The following CD81 variants were observed in gnomAD, a reference collection of about 807,000 sequenced individuals.
CD81 encodes CD81 antigen.
Under a neutral mutation model 30.1 loss-of-function variants are expected in CD81, and 10 were observed. That is an observed-to-expected ratio of 0.33 (90% CI 0.21 to 0.56). CD81 has a LOEUF of 0.56. Ranked by LOEUF, CD81 falls within the 20% of genes least tolerant of loss-of-function variation. CD81 has a pLI of 0.89. For missense variants in CD81, 263 were observed against 308.7 expected, an observed-to-expected ratio of 0.85 and a Z score of 1.11; for synonymous variants, 147 against 126.4, an observed-to-expected ratio of 1.16 and a Z score of -1.10.
chr11:2,395,537 C>G lies in CD81; in HGVS notation c.459+17C>G, dbSNP rs766019698. 4.4e-6 allele frequency: 7 copies of G among 1,600,864 alleles called. No individual in the cohort carries two copies. Among genetic ancestry groups the G allele is most frequent in the Non-Finnish European group, 5.1e-6 (6 of 1,169,352 alleles). On this transcript the variant is annotated intron_variant, in intron 5 of 7. Transcript: ENST00000263645. ...CACGAGACGGTGCGGCCCCGGGGGGCGAGGGCGGGGAGCAGGGCCCCGGGA... is the reference window on the plus strand; with the variant it reads ...CACGAGACGGTGCGGCCCCGGGGGGGGAGGGCGGGGAGCAGGGCCCCGGGA...
At chr11:2,393,994 C>G in intron 2 of CD81, 101 bp from the exon 3 acceptor site, 1 of 864,126 alleles carries the variant, frequency 1.2e-6, no homozygotes. Context: ...CTACATCTTC[C>G]CAGCTGGGCG....
At chr11:2,379,366 AGG>A (rs1491382829) in intron 1 of CD81, among the ~76,000 whole-genome samples, 1 of 71,982 alleles carries the variant, frequency 1.4e-5, no homozygotes, top group African/African-American at 5.6e-5. Flanking sequence ...GGGCTGAGGG[AGG>A]GTGTAGGCCT....
Position 2,377,413 on chromosome 11 carries a change from C to A in CD81, c.-137C>A. 1 of 164,954 alleles carries A rather than the reference C, an allele frequency of 6.1e-6. No homozygotes were observed. The highest frequency in any genetic ancestry group is 1.7e-4 in the South Asian group (1 of 5,834). The allele number at this position is 164,954 out of a possible 1,614,324, so 10.2% of individuals were successfully genotyped here. A position where few individuals can be genotyped will look rare whatever the true frequency, so the allele number is the denominator to read the frequency against. ...CCCACGCGCCCCCGCGCCCCCGCGCCCCCGCGCCCCTTTCTTCGCGCCCCC... is the reference window on the plus strand; with the variant it reads ...CCCACGCGCCCCCGCGCCCCCGCGCACCCGCGCCCCTTTCTTCGCGCCCCC... On this transcript the variant is annotated 5_prime_UTR_variant, in exon 1 of 8. Transcript: ENST00000263645. This position sits in a 1 kb window ranked among gnomAD's most constrained non-coding sequence, Gnocchi z 7.7.
Position 2,396,950 on chromosome 11 carries a change from T to G in CD81, c.*84T>G, listed in dbSNP as rs1370125582. ...TCCGAGGGGGCCATCACCGCCTGTG[T>G]ATATAACGTTTCCGGTATTACTCTG... On this transcript the variant is annotated 3_prime_UTR_variant, in exon 8 of 8. Transcript: ENST00000263645. 4 of 1,274,734 alleles carry G rather than the reference T, an allele frequency of 3.1e-6. No homozygotes were observed. The highest frequency in any genetic ancestry group is 4.5e-6 in the Non-Finnish European group (4 of 884,416). The allele number at this position is 1,274,734 out of a possible 1,614,324, so 79.0% of individuals were successfully genotyped here. A position where few individuals can be genotyped will look rare whatever the true frequency, so the allele number is the denominator to read the frequency against.
intron 1 of CD81, among the ~76,000 whole-genome samples, chr11:2,388,799 G>T (rs1378676147): frequency 1.3e-5 from 2 of 152,192 alleles, no homozygotes; most frequent in Admixed American, 1.3e-4. Context: ...CCTCCAGGAA[G>T]CCCCCAGGGC....
chr11:2,395,362 G>A, intron 4 of CD81, 54 bp from the exon 5 acceptor site: 1 of 1,426,336 alleles, frequency 7.0e-7, no homozygotes, highest in Admixed American at 1.7e-5. Context: ...GGGGCGGGGT[G>A]GGGGCAAGGA....
At chr11:2,395,720 A>C (rs1166614937) in intron 5 of CD81, 149 bp from the exon 6 acceptor site, 3 of 757,250 alleles carry the variant, frequency 4.0e-6, no homozygotes, top group Non-Finnish European at 6.9e-6. Context: ...AGCTCTGAGC[A>C]GCGCAGCTGA....
At chr11:2,376,742 C>T (rs2133433758), upstream of CD81, 1 of 152,432 alleles carries the variant, frequency 6.6e-6, no homozygotes, top group East Asian at 1.9e-4. Context: ...GCAATTCTCC[C>T]CTTCCGTGAG....
chr11:2,379,390 C>G (rs2651840), intron 1 of CD81, among the ~76,000 whole-genome samples: 1 of 19,928 alleles, frequency 5.0e-5, no homozygotes, highest in East Asian at 8.7e-4. Context: ...GGGGTGGGGG[C>G]TGAGGGAGAG....
At chr11:2,393,861 T>G (rs947983206) in intron 2 of CD81, 4 of 682,184 alleles carry the variant, frequency 5.9e-6, no homozygotes, top group Non-Finnish European at 1.1e-5. Context: ...AGGTGCCCAG[T>G]CCCCATGTGG....
chr11:2,395,594 T>G, intron 5 of CD81, 74 bp downstream of exon 5: 1 of 1,183,604 alleles, frequency 8.4e-7, no homozygotes, highest in Non-Finnish European at 1.3e-6. Flanking sequence ...CCTGGATGAA[T>G]CCTGCCTACG....
At chr11:2,393,736 C>G in intron 2 of CD81, 1 of 601,496 alleles carries the variant, frequency 1.7e-6, no homozygotes, top group Non-Finnish European at 3.0e-6. Flanking sequence ...CGGGTGAAGG[C>G]GGTGGGTGGC....
chr11:2,390,135 G>A (rs1444582542), intron 1 of CD81: 10 of 566,716 alleles, frequency 1.8e-5, no homozygotes, highest in African/African-American at 5.6e-5. Context: ...AGATTTAACC[G>A]GCGTCCCGTG....
At position 2,394,212 on chromosome 11, in the gene CD81, C is replaced by G; in HGVS notation, c.279+20C>G. ...GGGACGGTAAGGCAGGGAGGCGGGC[C>G]TGTGCCTGGGCCGGGGAGGGGCTGG... On this transcript the variant is annotated intron_variant, in intron 3 of 7. Transcript: ENST00000263645. 1 of 1,560,470 alleles carries G rather than the reference C, an allele frequency of 6.4e-7. No homozygotes were observed. Among genetic ancestry groups the G allele is most frequent in the Admixed American group, 1.7e-5 (1 of 59,782 alleles).
intron 1 of CD81, among the ~76,000 whole-genome samples, chr11:2,380,374 T>A (rs1337985109): frequency 6.6e-6 from 1 of 151,730 alleles, no homozygotes; most frequent in Non-Finnish European, 1.5e-5. Context: ...CCTGACCTCT[T>A]TCCCAGGAAG....
chr11:2,385,148 T>C (rs1055317347), intron 1 of CD81, among the ~76,000 whole-genome samples: 1 of 152,142 alleles, frequency 6.6e-6, no homozygotes, highest in Non-Finnish European at 1.5e-5. Flanking sequence ...GAAGAAACAC[T>C]GGCCCCGGGG....
intron 2 of CD81, 27 bp from the exon 3 acceptor site, chr11:2,394,068 C>T (rs1295425821): frequency 3.8e-6 from 6 of 1,573,422 alleles, no homozygotes; most frequent in Non-Finnish European, 5.2e-6. Flanking sequence ...TGTGTAGGCA[C>T]CCACCTGGTG....
intron 1 of CD81, among the ~76,000 whole-genome samples, chr11:2,381,738 A>C (rs536518107): frequency 6.6e-6 from 1 of 152,320 alleles, no homozygotes; most frequent in South Asian, 2.1e-4. Flanking sequence ...CCTGTGATCC[A>C]GGCTGGGCGT....
At chr11:2,387,474 C>T (rs765024954) in intron 1 of CD81, among the ~76,000 whole-genome samples, 1 of 152,258 alleles carries the variant, frequency 6.6e-6, no homozygotes, top group Admixed American at 6.5e-5. Context: ...CTCCTCCCGC[C>T]AGGCTGCATC....
Sources: allele counts gnomAD v4.1 joint callset (sites outside exome capture counted in the v4.1 genomes callset), GRCh38; gene constraint gnomAD v4.1.1; non-coding constraint Gnocchi (gnomAD v3.1); transcripts MANE v1.5; gene names NCBI Gene and HGNC (gene_info 2026-07-23, HGNC 2026-07-21).